Variants in TTC29 observed in about 807,000 individuals in gnomAD.
TTC29 encodes the protein tetratricopeptide repeat protein 29.
Under a neutral mutation model 58.1 loss-of-function variants are expected in TTC29, and 49 were observed. That is an observed-to-expected ratio of 0.84 (90% confidence interval 0.67 to 1.07). The LOEUF is 1.07. Among genes scored for constraint, TTC29 ranks in the 50% least tolerant of loss-of-function variants. The pLI is 0.00. For missense variants in TTC29, 582 were observed against 555.6 expected (o/e 1.05, Z -0.48); for synonymous variants, 209 against 196.8 (o/e 1.06, Z -0.52).
chr4:146,895,481 G>A (rs1204578090), intron 6 of TTC29, among the ~76,000 whole-genome samples: 1 of 152,110 alleles, frequency 6.6e-6, no homozygotes, highest in African/African-American at 2.4e-5. Flanking sequence ...ATCAAGGGAA[G>A]AGGCAGGACA....
intron 8 of TTC29, among the ~76,000 whole-genome samples, chr4:146,834,183 T>G (rs1434403952): frequency 1.3e-5 from 2 of 152,230 alleles, no homozygotes; most frequent in East Asian, 3.8e-4. Flanking sequence ...TGTGAATAAA[T>G]AATTTAATGG....
intron 9 of TTC29, among the ~76,000 whole-genome samples, chr4:146,828,331 T>C (rs1277537340): frequency 1.3e-5 from 2 of 152,148 alleles, no homozygotes; most frequent in Admixed American, 1.3e-4. Flanking sequence ...TTATTTAGAA[T>C]TTTGAGTGAA....
chr4:146,918,169 TAAAG>T (rs1446935451), intron 4 of TTC29, among the ~76,000 whole-genome samples: 1 of 150,988 alleles, frequency 6.6e-6, no homozygotes, highest in Non-Finnish European at 1.5e-5. Context: ...CTATTAATAA[TAAAG>T]AAAAGCATAG....
chr4:146,793,830 G>A (rs932502435), intron 11 of TTC29, among the ~76,000 whole-genome samples: 1 of 152,128 alleles, frequency 6.6e-6, no homozygotes, highest in Non-Finnish European at 1.5e-5. Context: ...GTAAGTGACA[G>A]CATTATGCAT....
At chr4:146,903,776 A>T in intron 5 of TTC29, 47 bp from the exon 6 acceptor site, 3 of 1,382,088 alleles carry the variant, frequency 2.2e-6, no homozygotes, top group Non-Finnish European at 2.9e-6. Flanking sequence ...AAGATGTCTC[A>T]TGGCACACCC....
At chr4:146,901,826 A>G (rs1733167497) in intron 6 of TTC29, among the ~76,000 whole-genome samples, 1 of 152,202 alleles carries the variant, frequency 6.6e-6, no homozygotes, top group East Asian at 1.9e-4. Flanking sequence ...ATATTATATT[A>G]TATAGCTATT....
chr4:146,899,205 T>C (rs1392862101), intron 6 of TTC29, among the ~76,000 whole-genome samples: 1 of 152,154 alleles, frequency 6.6e-6, no homozygotes, highest in Non-Finnish European at 1.5e-5. Flanking sequence ...AAATGAAGAA[T>C]GTGCCACTCA....
intron 6 of TTC29, among the ~76,000 whole-genome samples, chr4:146,890,811 C>T (rs1291938561): frequency 6.6e-6 from 1 of 152,170 alleles, no homozygotes; most frequent in Non-Finnish European, 1.5e-5. Context: ...TTTATGCACA[C>T]TTCAGCCTGT....
intron 11 of TTC29, among the ~76,000 whole-genome samples, chr4:146,767,188 A>G (rs973173569): frequency 6.6e-6 from 1 of 151,972 alleles, no homozygotes; most frequent in Non-Finnish European, 1.5e-5. Context: ...GTAGTTAATC[A>G]TATCTGATAG....
At chr4:146,918,141 T>A (rs1404956923) in intron 4 of TTC29, among the ~76,000 whole-genome samples, 1 of 151,098 alleles carries the variant, frequency 6.6e-6, no homozygotes, top group East Asian at 1.9e-4. Context: ...TTTTGCTTTG[T>A]ATTTTTGGAT....
chr4:146,861,993 C>T (rs566936394), intron 8 of TTC29, among the ~76,000 whole-genome samples: 37 of 151,928 alleles, frequency 2.4e-4, no homozygotes, highest in East Asian at 1.2e-3. Flanking sequence ...GAAAGGAAAA[C>T]GCTAAACCTA....
rs554427601 is a variant in TTC29 at position 146,734,648 on chromosome 4, A to T, written c.1331-27097T>A. 5.9e-5 allele frequency among the ~76,000 whole-genome samples: 9 copies of T among 152,180 alleles called. No homozygotes were observed. The East Asian group carries it at 1.5e-3, about 26-fold the overall frequency. ...TAGTTTTGGAGTTGAATTGGGGGAC[A>T]TCCAGCTGGTGTCTGCTGCTTGGTG... is the stretch of plus-strand genomic sequence containing the variant. On this transcript the variant is annotated intron_variant, in intron 11 of 12. Transcript: ENST00000325106.
intron 11 of TTC29, among the ~76,000 whole-genome samples, chr4:146,751,626 A>T (rs1422425753): frequency 6.6e-6 from 1 of 152,242 alleles, no homozygotes; most frequent in Non-Finnish European, 1.5e-5. Context: ...CTAAAGGGTA[A>T]TTAAAAATAC....
intron 5 of TTC29, among the ~76,000 whole-genome samples, chr4:146,904,699 T>A (rs945061270): frequency 1.8e-4 from 27 of 152,150 alleles, no homozygotes; most frequent in Non-Finnish European, 2.9e-5. Context: ...TTAGTAACAG[T>A]CATTATCTAT....
rs115556069 is a variant in TTC29, at chr4:146,734,923, C to T, written c.1331-27372G>A. ...CGTGGTCACCCATGGTATGAAGCCA[C>T]AGCTGTGTTGAGATCAGTCACTAAA... On this transcript the variant is annotated intron_variant, in intron 11 of 12. Coordinates refer to ENST00000325106, the MANE Select transcript of TTC29 (RefSeq NM_031956.4). 2.4e-3 allele frequency among the ~76,000 whole-genome samples: 370 copies of T among 152,038 alleles called. 1 individual carries two copies. The highest frequency in any genetic ancestry group is 0.017 in the Middle Eastern group (5 of 294).
intron 7 of TTC29, among the ~76,000 whole-genome samples, chr4:146,868,817 C>T (rs1362688719): frequency 1.3e-5 from 2 of 152,134 alleles, no homozygotes; most frequent in African/African-American, 2.4e-5. Context: ...GAAATGTGAT[C>T]CCCAATGTTG....
chr4:146,767,943 G>T (rs963037020), intron 11 of TTC29, among the ~76,000 whole-genome samples: 2 of 151,980 alleles, frequency 1.3e-5, no homozygotes, highest in Non-Finnish European at 2.9e-5. Context: ...TCAAGGGTTG[G>T]ATAAGGTGAT....
At chr4:146,718,784 A>G (rs965596404) in intron 11 of TTC29, among the ~76,000 whole-genome samples, 2 of 152,124 alleles carry the variant, frequency 1.3e-5, no homozygotes, top group Non-Finnish European at 2.9e-5. Context: ...TATTGCCTAG[A>G]CCAACGACAC....
At chr4:146,792,115 G>A (rs1334061474) in intron 11 of TTC29, among the ~76,000 whole-genome samples, 1 of 152,210 alleles carries the variant, frequency 6.6e-6, no homozygotes, top group Non-Finnish European at 1.5e-5. Flanking sequence ...ATTGGTGAAG[G>A]TGGCTACACT....
Sources: gnomAD v4.1 joint callset for allele counts (sites outside exome capture counted in the v4.1 genomes callset) on GRCh38, gnomAD v4.1.1 for gene constraint, MANE v1.5 for transcripts, NCBI Gene and HGNC (gene_info 2026-07-23, HGNC 2026-07-21) for gene names.